ABTB3: variants seen among roughly 807,000 people sequenced by gnomAD.
ABTB3 encodes ankyrin repeat and BTB domain containing 3, also known as ankyrin repeat- and BTB/POZ domain-containing protein 3.
chr12:107,321,370 G>C, the ABTB3 span, among the ~76,000 whole-genome samples: 2 of 152,156 alleles, frequency 1.3e-5, no homozygotes, highest in Admixed American at 1.3e-4. Flanking sequence ...CGCGCAGGGC[G>C]CCCGGCTCCA....
the ABTB3 span, among the ~76,000 whole-genome samples, chr12:107,430,868 TATTA>T: frequency 6.6e-6 from 1 of 152,268 alleles, no homozygotes; most frequent in Non-Finnish European, 1.5e-5. Flanking sequence ...TGAACTATAG[TATTA>T]ATTTCCTAAT....
the ABTB3 span, among the ~76,000 whole-genome samples, chr12:107,494,760 G>C: frequency 6.6e-6 from 1 of 152,144 alleles, no homozygotes; most frequent in Non-Finnish European, 1.5e-5. Flanking sequence ...AGCTTCCCCA[G>C]GTGGCACCTC....
chr12:107,530,164 T>A, the ABTB3 span, among the ~76,000 whole-genome samples: 1 of 152,124 alleles, frequency 6.6e-6, no homozygotes, highest in Non-Finnish European at 1.5e-5. Context: ...TCTGAGGAGA[T>A]GGTGAGATGG....
the ABTB3 span, among the ~76,000 whole-genome samples, chr12:107,521,574 A>T: frequency 6.6e-6 from 1 of 152,138 alleles, no homozygotes; most frequent in Non-Finnish European, 1.5e-5. Flanking sequence ...CATATATCAG[A>T]TCACATCTCT....
chr12:107,575,626 G>C, the ABTB3 span, among the ~76,000 whole-genome samples: 3 of 152,176 alleles, frequency 2.0e-5, no homozygotes, highest in Non-Finnish European at 4.4e-5. Flanking sequence ...GTCTTTTCCA[G>C]CTTCTAGAGA....
At chr12:107,566,351 T>G in the ABTB3 span, among the ~76,000 whole-genome samples, 1 of 152,216 alleles carries the variant, frequency 6.6e-6, no homozygotes, top group African/African-American at 2.4e-5. Context: ...TCCCAGTTAT[T>G]CTTGGAGCTT....
the ABTB3 span, among the ~76,000 whole-genome samples, chr12:107,587,081 G>C: frequency 6.6e-6 from 1 of 152,246 alleles, no homozygotes; most frequent in Non-Finnish European, 1.5e-5. Context: ...AATTCAGAGA[G>C]AGAGAGCATA....
At chr12:107,460,999 G>A in the ABTB3 span, among the ~76,000 whole-genome samples, 1 of 152,140 alleles carries the variant, frequency 6.6e-6, no homozygotes, top group Admixed American at 6.5e-5. Flanking sequence ...AATTTATAAA[G>A]GAAAGAGATG....
At chr12:107,624,109 C>G in the ABTB3 span, among the ~76,000 whole-genome samples, 2 of 151,406 alleles carry the variant, frequency 1.3e-5, no homozygotes, top group Admixed American at 1.3e-4. Context: ...TGCACTGGGC[C>G]AGGGAAAGTT....
chr12:107,457,201 C>T, the ABTB3 span, among the ~76,000 whole-genome samples: 3 of 152,168 alleles, frequency 2.0e-5, no homozygotes, highest in Non-Finnish European at 1.5e-5. Context: ...CCTGGGCAAA[C>T]CTGAACATTG....
At chr12:107,484,464 T>C in the ABTB3 span, among the ~76,000 whole-genome samples, 1 of 152,066 alleles carries the variant, frequency 6.6e-6, no homozygotes, top group African/African-American at 2.4e-5. Context: ...TCAGGCAGAG[T>C]AAGCCAGGAG....
chr12:107,490,778 T>C, the ABTB3 span, among the ~76,000 whole-genome samples: 2 of 152,196 alleles, frequency 1.3e-5, no homozygotes, highest in Admixed American at 1.3e-4. Flanking sequence ...CTTCTCCATC[T>C]ATAACAGAGG....
the ABTB3 span, among the ~76,000 whole-genome samples, chr12:107,502,667 C>A: frequency 6.6e-6 from 1 of 152,084 alleles, no homozygotes; most frequent in South Asian, 2.1e-4. Context: ...AGGTGAGCAG[C>A]GGGCGAGCGA....
chr12:107,503,619 T>C, the ABTB3 span, among the ~76,000 whole-genome samples: 2 of 151,310 alleles, frequency 1.3e-5, no homozygotes, highest in African/African-American at 4.9e-5. Flanking sequence ...TAGCCAGGTG[T>C]GGTGGTTCAC....
chr12:107,380,018 T>G, the ABTB3 span, among the ~76,000 whole-genome samples: 1 of 152,160 alleles, frequency 6.6e-6, no homozygotes. Flanking sequence ...CGGAACAGAT[T>G]CTCAGGCCCC....
the ABTB3 span, among the ~76,000 whole-genome samples, chr12:107,321,997 A>G: frequency 6.6e-6 from 1 of 152,082 alleles, no homozygotes; most frequent in Non-Finnish European, 1.5e-5. Context: ...TGGACAAGTC[A>G]CTTTACATCT....
At chr12:107,561,143 C>T in the ABTB3 span, among the ~76,000 whole-genome samples, 57,591 of 151,954 alleles carry the variant, frequency 0.38, 11,043 homozygotes, top group African/African-American at 0.39. Context: ...TTTTGCAGTC[C>T]TTTGTCCCGT....
At chr12:107,541,349 G>C in the ABTB3 span, among the ~76,000 whole-genome samples, 1 of 152,258 alleles carries the variant, frequency 6.6e-6, no homozygotes, top group Non-Finnish European at 1.5e-5. Context: ...GAGAGGGAAT[G>C]GGGGAGCCCC....
At chr12:107,523,248 AG>A in the ABTB3 span, among the ~76,000 whole-genome samples, 4 of 152,182 alleles carry the variant, frequency 2.6e-5, no homozygotes, top group African/African-American at 7.2e-5. Context: ...TCCAAGCCAT[AG>A]GGGGCGCTTA....
Sources: allele counts gnomAD v4.1 joint callset (sites outside exome capture counted in the v4.1 genomes callset), GRCh38; gene constraint gnomAD v4.1.1; transcripts MANE v1.5; gene names NCBI Gene and HGNC (gene_info 2026-07-23, HGNC 2026-07-21).